The following DOCK7 variants were observed in gnomAD, a reference collection of about 807,000 sequenced individuals.
DOCK7 encodes the protein dedicator of cytokinesis protein 7.
In DOCK7, 138 loss-of-function variants were observed where a neutral mutation model predicts 271.0. The ratio of observed to expected loss-of-function variants is 0.51; its 90% confidence interval spans 0.44 to 0.59. The LOEUF (loss-of-function observed/expected upper bound fraction) is 0.59. Ranked by LOEUF, DOCK7 falls within the 20% of genes least tolerant of loss-of-function variation. The probability of loss-of-function intolerance (pLI) is 0.00; values close to 1 mark genes in which losing one functional copy is unlikely to be tolerated. For missense variants in DOCK7, 2,066 were observed against 2,592.4 expected (o/e 0.80, Z 4.41); for synonymous variants, 823 against 876.1 (o/e 0.94, Z 1.07).
intron 18 of DOCK7, among the ~76,000 whole-genome samples, chr1:62,572,601 C>T (rs1404941024): frequency 6.6e-6 from 1 of 151,562 alleles, no homozygotes; most frequent in African/African-American, 2.4e-5. Flanking sequence ...GGGTTCTCAC[C>T]CTGGGTTGCA....
intron 13 of DOCK7, 133 bp downstream of exon 13, chr1:62,619,767 A>G (rs1268888836): frequency 4.0e-6 from 2 of 502,842 alleles, no homozygotes; most frequent in Non-Finnish European, 7.0e-6. Flanking sequence ...AAAGTGAAGA[A>G]GACTGACAGG....
Position 62,603,986 on chromosome 1 carries a change from C to CT in DOCK7, c.1682+14719dup, listed in dbSNP as rs752195182. The stretch of plus-strand genomic sequence containing the variant: ...CTTTTCAGGAGAATTTTGGTTGGGC[C>CT]TAGAGAAGATATACTCCATAGTGAA... On this transcript the variant is annotated intron_variant, in intron 14 of 49. Coordinates refer to ENST00000635253, the MANE Select transcript of DOCK7 (RefSeq NM_001367561.1). The CT allele has an allele frequency of 3.7e-6, 6 of 1,612,732 alleles. No homozygotes were observed. The East Asian group carries it at 1.3e-4, about 36-fold the overall frequency.
At chr1:62,503,198 G>C (rs553792608) in intron 37 of DOCK7, among the ~76,000 whole-genome samples, 1 of 150,308 alleles carries the variant, frequency 6.7e-6, no homozygotes, top group South Asian at 2.1e-4. Context: ...TCTACCAAGT[G>C]AAACAAAAAC....
chr1:62,488,868 A>G (rs755307834), intron 42 of DOCK7, 66 bp downstream of exon 42: 2 of 1,600,972 alleles, frequency 1.2e-6, no homozygotes, highest in Admixed American at 3.3e-5. Flanking sequence ...CATCAGTGCA[A>G]AACAACATTA....
At chr1:62,534,255 A>T (rs976218373) in intron 29 of DOCK7, among the ~76,000 whole-genome samples, 1 of 152,048 alleles carries the variant, frequency 6.6e-6, no homozygotes, top group South Asian at 2.1e-4. Context: ...CTGTCTCAGC[A>T]TCCCAAAGTG....
intron 22 of DOCK7, among the ~76,000 whole-genome samples, chr1:62,548,066 T>TA (rs889352208): frequency 6.6e-6 from 1 of 152,076 alleles, no homozygotes; most frequent in African/African-American, 2.4e-5. Flanking sequence ...CTGAGCACCT[T>TA]GAATAAGTTA....
chr1:62,643,872 G>A (rs1259752712), intron 7 of DOCK7, among the ~76,000 whole-genome samples: 1 of 151,702 alleles, frequency 6.6e-6, no homozygotes, highest in African/African-American at 2.4e-5. Context: ...TCTAATCTAC[G>A]TTGAGCCCAT....
At chr1:62,588,961 T>C (rs1648011794) in intron 14 of DOCK7, among the ~76,000 whole-genome samples, 1 of 152,150 alleles carries the variant, frequency 6.6e-6, no homozygotes, top group African/African-American at 2.4e-5. Flanking sequence ...AGGCTGGTCT[T>C]ATATTCCTGG....
In DOCK7 at chr1:62,577,786, A is replaced by T. The variant is rs142882399; in HGVS notation, c.2011-423T>A. The stretch of plus-strand genomic sequence containing the variant: ...CAGTTAGAGCAAAACTCATGTCACA[A>T]ACTGCAAGAGACAAAAATAATGAAT... On this transcript the variant is annotated intron_variant, in intron 17 of 49. Coordinates refer to ENST00000635253, the MANE Select transcript of DOCK7 (RefSeq NM_001367561.1). Among the ~76,000 whole-genome samples, 151 of 152,366 alleles carry T rather than the reference A, an allele frequency of 9.9e-4. 5 individuals are homozygous for T. The East Asian group carries it at 0.025, about 25-fold the overall frequency.
At chr1:62,643,075 C>T (rs1309149614) in intron 7 of DOCK7, among the ~76,000 whole-genome samples, 1 of 152,150 alleles carries the variant, frequency 6.6e-6, no homozygotes, top group African/African-American at 2.4e-5. Flanking sequence ...ACTACATGAA[C>T]AAGCCCAGGT....
intron 48 of DOCK7, among the ~76,000 whole-genome samples, chr1:62,468,221 C>T (rs1458602309): frequency 3.3e-5 from 5 of 151,812 alleles, no homozygotes; most frequent in African/African-American, 1.2e-4. Flanking sequence ...ATTAGCCAGG[C>T]GTGGTGGCAG....
In DOCK7 at chr1:62,536,351, AC is replaced by A. The variant is rs1188028359; in HGVS notation, c.3472-720del. ...AGCTGAGAAAGTGGGCAACAAGATA[AC>A]AGAAGAAATTCTATGAGCATTTCCT... is the stretch of plus-strand genomic sequence containing the variant. On this transcript the variant is annotated intron_variant, in intron 28 of 49. Coordinates refer to ENST00000635253, the MANE Select transcript of DOCK7 (RefSeq NM_001367561.1). 2.0e-5 allele frequency among the ~76,000 whole-genome samples: 3 copies of A among 152,242 alleles called. No homozygotes were observed. In the East Asian group the frequency reaches 5.8e-4, roughly 29 times the overall value.
intron 8 of DOCK7, chr1:62,635,141 T>G: frequency 5.8e-6 from 2 of 344,206 alleles, no homozygotes; most frequent in Non-Finnish European, 1.0e-5. Context: ...CTCAAAAAAA[T>G]TACTTATTTA....
Position 62,489,084 on chromosome 1 carries a change from T to C in DOCK7, c.5362-19A>G. On this transcript the variant is annotated intron_variant, in intron 41 of 49. Transcript: ENST00000635253. The stretch of plus-strand genomic sequence containing the variant: ...TGCCAGCCTATAAGAAAAAATTTTG[T>C]TAAGATGTTGCTTTCTTTTACATCA... 1 of 1,546,958 alleles carries C rather than the reference T, an allele frequency of 6.5e-7. No individual in the cohort carries two copies. Among genetic ancestry groups the C allele is most frequent in the Admixed American group, 2.2e-5 (1 of 45,506 alleles).
chr1:62,543,414 G>C, intron 24 of DOCK7: 1 of 297,000 alleles, frequency 3.4e-6, no homozygotes, highest in Non-Finnish European at 6.2e-6. Flanking sequence ...GATCAAATTT[G>C]AATTCACTAA....
rs557222041 is a variant in DOCK7, at chr1:62,606,254, A to C, written c.1682+12452T>G. 2.0e-5 allele frequency: 3 copies of C among 151,926 alleles called. No individual in the cohort carries two copies. The South Asian group carries it at 6.2e-4, about 32-fold the overall frequency. 9.4% of individuals were successfully genotyped at this position (151,926 alleles called of 1,614,324 possible). A position where few individuals can be genotyped will look rare whatever the true frequency, so the allele number is the denominator to read the frequency against. ...TCCTCTCTTCCCCCAAAATTGGACA[A>C]TTTCAAATGCAAAATAATTCATTAT... On this transcript the variant is annotated intron_variant, in intron 14 of 49. Transcript: ENST00000635253.
At chr1:62,622,727 G>A (rs563299949) in intron 12 of DOCK7, among the ~76,000 whole-genome samples, 140 of 152,174 alleles carry the variant, frequency 9.2e-4, no homozygotes, top group African/African-American at 2.9e-3. Flanking sequence ...TTAGGAGATC[G>A]AGACCATCTT....
At chr1:62,528,678 A>G (rs1263557081) in intron 30 of DOCK7, among the ~76,000 whole-genome samples, 2 of 152,236 alleles carry the variant, frequency 1.3e-5, no homozygotes, top group Admixed American at 6.5e-5. Flanking sequence ...TTAGATACTC[A>G]GGAAATGTTT....
intron 4 of DOCK7, 69 bp from the exon 5 acceptor site, chr1:62,648,613 CATT>C: frequency 1.2e-6 from 1 of 858,444 alleles, no homozygotes; most frequent in Admixed American, 3.8e-5. Flanking sequence ...TTTTGGGCAT[CATT>C]ATGTAATAAG....
Sources: gnomAD v4.1 joint callset for allele counts (sites outside exome capture counted in the v4.1 genomes callset) on GRCh38, gnomAD v4.1.1 for gene constraint, MANE v1.5 for transcripts, NCBI Gene and HGNC (gene_info 2026-07-23, HGNC 2026-07-21) for gene names.